The following OARD1 variants were observed in gnomAD, a reference collection of about 807,000 sequenced individuals.
OARD1 encodes the protein ADP-ribose glycohydrolase OARD1.
A neutral mutation model predicts 19.7 loss-of-function variants in OARD1; 19 were observed. The ratio of observed to expected loss-of-function variants is 0.96; its 90% CI spans 0.67 to 1.41. OARD1 has a LOEUF of 1.41. Ranked by LOEUF, OARD1 falls within the 40% of genes most tolerant of loss-of-function variation. The probability of loss-of-function intolerance (pLI) is 0.00; values close to 1 mark genes in which losing one functional copy is unlikely to be tolerated. For missense variants in OARD1, 190 were observed against 183.8 expected (o/e 1.03, Z -0.20); for synonymous variants, 70 against 61.8 (o/e 1.13, Z -0.62).
intron 1 of OARD1, chr6:41,097,519 G>A: frequency 8.7e-7 from 1 of 1,146,914 alleles, no homozygotes; most frequent in Non-Finnish European, 1.3e-6. Context: ...CTTTACTACA[G>A]GACAGAAACC....
intron 3 of OARD1, 36 bp from the exon 4 acceptor site, chr6:41,070,170 G>T (rs748308635): frequency 1.7e-6 from 2 of 1,152,484 alleles, no homozygotes; most frequent in South Asian, 2.6e-5. Flanking sequence ...AAATGAAAAA[G>T]AAAACCAAAC....
At chr6:41,071,754 A>C in intron 1 of OARD1, 79 bp from the exon 2 acceptor site, 1 of 786,632 alleles carries the variant, frequency 1.3e-6, no homozygotes, top group East Asian at 2.5e-5. Flanking sequence ...ACAACCACTT[A>C]ATAGGCTTTT....
At chr6:41,087,979 C>A (rs1333171269) in intron 1 of OARD1, among the ~76,000 whole-genome samples, 1 of 152,066 alleles carries the variant, frequency 6.6e-6, no homozygotes, top group South Asian at 2.1e-4. Context: ...ATAGGAGATA[C>A]AAATTAAATC....
chr6:41,097,776 A>T (rs971241113), upstream of OARD1: 2 of 194,554 alleles, frequency 1.0e-5, no homozygotes, highest in Non-Finnish European at 2.1e-5. Flanking sequence ...CCAAAACTGC[A>T]ATCAGGAAAG....
chr6:41,082,214 A>G (rs1455308476), intron 1 of OARD1, among the ~76,000 whole-genome samples: 1 of 152,212 alleles, frequency 6.6e-6, no homozygotes, highest in Non-Finnish European at 1.5e-5. Flanking sequence ...AGTGTTTGGT[A>G]ATGATGTACA....
chr6:41,081,482 T>C (rs1294443726), intron 1 of OARD1, among the ~76,000 whole-genome samples: 19 of 147,898 alleles, frequency 1.3e-4, no homozygotes, highest in Non-Finnish European at 5.9e-5. Context: ...AGAGCGAGAC[T>C]CCGTCTCAAA....
At chr6:41,084,938 G>A (rs1582027988) in intron 1 of OARD1, among the ~76,000 whole-genome samples, 1 of 152,108 alleles carries the variant, frequency 6.6e-6, no homozygotes, top group East Asian at 1.9e-4. Flanking sequence ...TCCAGGCTGG[G>A]CACCAGAGCA....
intron 4 of OARD1, chr6:41,069,850 C>T: frequency 3.3e-6 from 2 of 597,608 alleles, no homozygotes; most frequent in Non-Finnish European, 6.1e-6. Context: ...ACACGACTTT[C>T]CCACAGAGCT....
At chr6:41,092,130 G>T (rs928808110) in intron 1 of OARD1, among the ~76,000 whole-genome samples, 1 of 152,216 alleles carries the variant, frequency 6.6e-6, no homozygotes, top group Non-Finnish European at 1.5e-5. Flanking sequence ...TTTGGGTGGT[G>T]TAACTGAAAG....
At chr6:41,071,513 T>C in intron 2 of OARD1, 83 bp downstream of exon 2, 1 of 1,218,120 alleles carries the variant, frequency 8.2e-7, no homozygotes, top group Non-Finnish European at 1.2e-6. Flanking sequence ...ATGCAATCAT[T>C]AATTTAATTA....
At chr6:41,095,570 A>G (rs540443042) in intron 1 of OARD1, among the ~76,000 whole-genome samples, 5 of 152,242 alleles carry the variant, frequency 3.3e-5, no homozygotes, top group African/African-American at 9.6e-5. Flanking sequence ...AGCTGGGACT[A>G]TAGCCACGCA....
Position 41,089,669 on chromosome 6 carries a change from A to G in OARD1, c.-42+8044T>C, listed in dbSNP as rs527240521. 1.9e-6 allele frequency: 3 copies of G among 1,612,716 alleles called. No homozygotes were observed. The African/African-American group carries it at 4.0e-5, about 22-fold the overall frequency. On this transcript the variant is annotated intron_variant, in intron 1 of 4. Coordinates refer to the OARD1 transcript ENST00000480585. ...GCAGGGCCAGACCCAGCAGATCATC[A>G]TCCAGCAGCCCCAGACGGCTGTCAC...
At chr6:41,071,394 G>T in intron 2 of OARD1, 118 bp from the exon 3 acceptor site, 1 of 1,114,466 alleles carries the variant, frequency 9.0e-7, no homozygotes. Flanking sequence ...CCTCCAATCT[G>T]ATTTAAAGCC....
intron 1 of OARD1, among the ~76,000 whole-genome samples, chr6:41,083,067 T>C (rs1259168455): frequency 6.6e-6 from 1 of 152,252 alleles, no homozygotes; most frequent in African/African-American, 2.4e-5. Context: ...ATGAATATTC[T>C]GTTCTAAGTA....
chr6:41,092,905 C>A (rs371499140), intron 1 of OARD1: 7 of 1,611,874 alleles, frequency 4.3e-6, no homozygotes, highest in Non-Finnish European at 5.9e-6. Flanking sequence ...GTTTCCTGTT[C>A]ACACAGATGG....
Position 41,083,128 on chromosome 6 carries a change from G to T in OARD1, c.-41-11453C>A, listed in dbSNP as rs149901708. Among the ~76,000 whole-genome samples the T allele has an allele frequency of 4.4e-3, 669 of 152,282 alleles. 2 individuals are homozygous for T. The highest frequency in any genetic ancestry group is 6.9e-3 in the Non-Finnish European group (470 of 68,026). The stretch of plus-strand genomic sequence containing the variant: ...AATGAAAATTTTGGACTATTCCATG[G>T]ATCATTACAGTTTACTTCTAAAGCA... On this transcript the variant is annotated intron_variant, in intron 1 of 4. Coordinates refer to the OARD1 transcript ENST00000480585.
At chr6:41,079,222 C>A in intron 1 of OARD1, 1 of 1,513,834 alleles carries the variant, frequency 6.6e-7, no homozygotes, top group Non-Finnish European at 9.2e-7. Flanking sequence ...CAGCACCACT[C>A]AATTGGTTGG....
chr6:41,089,827 AAT>A, intron 1 of OARD1: 1 of 1,437,220 alleles, frequency 7.0e-7, no homozygotes, highest in Non-Finnish European at 9.3e-7. Context: ...ACCATAAAAA[AAT>A]ATATTTTTGG....
At chr6:41,096,810 T>G (rs1764368997) in intron 1 of OARD1, among the ~76,000 whole-genome samples, 1 of 152,326 alleles carries the variant, frequency 6.6e-6, no homozygotes, top group Admixed American at 6.5e-5. Context: ...GTCAGGAGAT[T>G]TGGGAGTTAG....
Sources: gnomAD v4.1 joint callset for allele counts (sites outside exome capture counted in the v4.1 genomes callset) on GRCh38, gnomAD v4.1.1 for gene constraint, MANE v1.5 for transcripts, NCBI Gene and HGNC (gene_info 2026-07-23, HGNC 2026-07-21) for gene names.